CD72: variants seen among roughly 807,000 people sequenced by gnomAD.
CD72 encodes B-cell differentiation antigen CD72.
A neutral mutation model predicts 50.7 loss-of-function variants in CD72; 28 were observed. The observed-to-expected ratio is 0.55, with a 90% CI of 0.41 to 0.76. The LOEUF (loss-of-function observed/expected upper bound fraction) is 0.76. Ranked by LOEUF, CD72 falls within the 30% of genes least tolerant of loss-of-function variation. The probability of loss-of-function intolerance (pLI) is 0.00; values close to 1 mark genes in which losing one functional copy is unlikely to be tolerated. For synonymous variants in CD72, 176 were observed against 171.2 expected, an observed-to-expected ratio of 1.03 and a Z score of -0.22; for missense variants, 403 against 420.6, an observed-to-expected ratio of 0.96 and a Z score of 0.37.
rs545827498 is a variant in CD72 at position 35,628,226 on chromosome 9, C to T, written n.409-10105G>A. The stretch of plus-strand genomic sequence containing the variant: ...CCAGCAATCCTCCTGCCTTGGCCTC[C>T]GAAGTATCTGGGACTACAGGCACGT... On this transcript the variant is annotated intron_variant and non_coding_transcript_variant, in intron 1 of 3. Transcript: ENST00000465754. Among the ~76,000 whole-genome samples, 14 of 152,254 alleles carry T rather than the reference C, an allele frequency of 9.2e-5. No homozygotes were observed. The East Asian group carries it at 2.1e-3, about 23-fold the overall frequency.
At chr9:35,631,325 C>G (rs1823243977) in intron 1 of CD72, among the ~76,000 whole-genome samples, 1 of 151,964 alleles carries the variant, frequency 6.6e-6, no homozygotes, top group Non-Finnish European at 1.5e-5. Flanking sequence ...TCTTGTTTTA[C>G]TGAATTTGGT....
chr9:35,618,416 G>A (rs899345795), upstream of CD72: 33 of 1,554,052 alleles, frequency 2.1e-5, no homozygotes, highest in Admixed American at 2.3e-4. Context: ...GTGACTGCAC[G>A]GCTTAGCAAT....
chr9:35,645,334 TC>T (rs1465366297), intron 1 of CD72, among the ~76,000 whole-genome samples: 1 of 152,190 alleles, frequency 6.6e-6, no homozygotes, highest in Non-Finnish European at 1.5e-5. Context: ...GCGCTGTGGC[TC>T]ACGCCTGTAA....
chr9:35,617,135 G>C, intron 3 of CD72, 41 bp downstream of exon 3: 1 of 1,550,226 alleles, frequency 6.5e-7, no homozygotes, highest in Non-Finnish European at 8.7e-7. Flanking sequence ...GGACAGGCGC[G>C]AGCACTTGGC....
chr9:35,620,826 A>T (rs1823141740), upstream of CD72, among the ~76,000 whole-genome samples: 1 of 152,190 alleles, frequency 6.6e-6, no homozygotes, highest in African/African-American at 2.4e-5. Context: ...AAAATAAAAA[A>T]AAATAAAAAA....
chr9:35,617,302 C>T lies in CD72; in HGVS notation c.191-55G>A, dbSNP rs2095160587. The T allele has an allele frequency of 4.0e-6, 6 of 1,496,556 alleles. No individual in the cohort carries two copies. The Admixed American group carries it at 1.2e-4, about 29-fold the overall frequency. 92.7% of individuals were successfully genotyped at this position (1,496,556 alleles called of 1,614,324 possible). ...GGAAGCCCCGAGTGTTGCCCCTTCTCCTCCTGCGCACCCGCTTCGCCCTCG... is the reference window on the plus strand; with the variant it reads ...GGAAGCCCCGAGTGTTGCCCCTTCTTCTCCTGCGCACCCGCTTCGCCCTCG... On this transcript the variant is annotated intron_variant, in intron 2 of 8. Transcript: ENST00000259633.
intron 2 of CD72, among the ~76,000 whole-genome samples, chr9:35,617,483 T>G (rs772921004): frequency 4.6e-5 from 7 of 152,064 alleles, no homozygotes; most frequent in Non-Finnish European, 7.4e-5. Flanking sequence ...CTCCTAGTTC[T>G]CCCTTTATCG....
At chr9:35,621,615 A>G (rs1369092823), upstream of CD72, among the ~76,000 whole-genome samples, 1 of 152,212 alleles carries the variant, frequency 6.6e-6, no homozygotes, top group Non-Finnish European at 1.5e-5. Context: ...TATGTTAATC[A>G]AGGTCCTTTA....
chr9:35,616,778 G>A (rs1823071229), intron 3 of CD72, 89 bp from the exon 4 acceptor site: 5 of 1,194,454 alleles, frequency 4.2e-6, no homozygotes, highest in Non-Finnish European at 6.1e-6. Flanking sequence ...AGACCCCTGG[G>A]GAAGGCATCC....
chr9:35,617,978 C>T (rs1357074580), intron 2 of CD72, 36 bp downstream of exon 2: 7 of 1,223,906 alleles, frequency 5.7e-6, no homozygotes, highest in Non-Finnish European at 8.5e-6. Flanking sequence ...AAGACACAGC[C>T]CCCCAACAAA....
upstream of CD72, among the ~76,000 whole-genome samples, chr9:35,620,784 A>G (rs1823140872): frequency 6.6e-6 from 1 of 152,156 alleles, no homozygotes; most frequent in South Asian, 2.1e-4. Context: ...GATTGTGCCC[A>G]TCCTGGGCCA....
chr9:35,625,699 TAG>T (rs1823189811), intron 1 of CD72, among the ~76,000 whole-genome samples: 1 of 152,232 alleles, frequency 6.6e-6, no homozygotes, highest in Admixed American at 6.5e-5. Context: ...ACTCTCTTGT[TAG>T]AGGCTAATGC....
chr9:35,625,554 T>C (rs1183253087), intron 1 of CD72, among the ~76,000 whole-genome samples: 2 of 152,256 alleles, frequency 1.3e-5, no homozygotes, highest in African/African-American at 2.4e-5. Flanking sequence ...AGATCATTGA[T>C]GAAGGTGGCT....
At chr9:35,624,195 A>C (rs1440785492), upstream of CD72, among the ~76,000 whole-genome samples, 1 of 149,094 alleles carries the variant, frequency 6.7e-6, no homozygotes, top group Non-Finnish European at 1.5e-5. Context: ...CTGGGCGACA[A>C]AGGGAGACTC....
chr9:35,612,827 TGTGA>T lies in CD72; in HGVS notation c.834+17_834+20del. 1.2e-6 allele frequency: 2 copies of T among 1,608,688 alleles called. No individual in the cohort carries two copies. Among genetic ancestry groups the T allele is most frequent in the Non-Finnish European group, 1.7e-6 (2 of 1,175,118 alleles). On this transcript the variant is annotated intron_variant, in intron 6 of 8. Transcript: ENST00000259633. Reference sequence around the variant, plus strand: ...TTACCTAATAGTACCCACTGCAGTCTGTGAGTAAGGATATGCTTACTGATTGTGG... The same window carrying T: ...TTACCTAATAGTACCCACTGCAGTCTGTAAGGATATGCTTACTGATTGTGG...
At position 35,630,078 on chromosome 9, in the gene CD72, C is replaced by T. The variant is rs1416692656; in HGVS notation, n.409-11957G>A. On this transcript the variant is annotated intron_variant and non_coding_transcript_variant, in intron 1 of 3. Coordinates refer to the CD72 transcript ENST00000465754. ...GGAGATGGGAGTCTTGCCCTGTCGCCGCCCAGGCTGGAGTGCAGCCGCGCG... is the reference window on the plus strand; with the variant it reads ...GGAGATGGGAGTCTTGCCCTGTCGCTGCCCAGGCTGGAGTGCAGCCGCGCG... Among the ~76,000 whole-genome samples, 12 of 147,366 alleles carry T rather than the reference C, an allele frequency of 8.1e-5. No individual in the cohort carries two copies. The South Asian group carries it at 1.7e-3, about 21-fold the overall frequency.
At position 35,618,046 on chromosome 9, in the gene CD72, C is replaced by T; in HGVS notation, c.158G>A (p.Ser53Asn). 6.2e-7 allele frequency: 1 copy of T among 1,613,864 alleles called. No homozygotes were observed. The highest frequency in any genetic ancestry group is 1.1e-5 in the South Asian group (1 of 91,072). The change falls in exon 2 of 9, where the codon AGC (serine) becomes AAC (asparagine). Residue 53 changes from serine (S) to asparagine (N), a missense_variant. By Grantham distance (46) the Ser-to-Asn change is conservative. Coordinates refer to ENST00000259633, the MANE Select transcript of CD72 (RefSeq NM_001782.3). ...GTCCCCTAGTACAGAAGAAGCCAAG[C>T]TTGAGGGCACCCCTAGGACTGCGGG... Reference protein sequence around the residue: ...QVPAVLGVPSSLASSVLGDKA... With the variant: ...QVPAVLGVPSNLASSVLGDKA...
intron 1 of CD72, among the ~76,000 whole-genome samples, chr9:35,635,834 GC>G (rs1480598862): frequency 6.6e-6 from 1 of 152,202 alleles, no homozygotes; most frequent in East Asian, 1.9e-4. Context: ...GCCCAGAGGA[GC>G]CCACTTAAAG....
At chr9:35,634,596 G>A (rs536254728) in intron 1 of CD72, among the ~76,000 whole-genome samples, 8 of 152,244 alleles carry the variant, frequency 5.3e-5, no homozygotes, top group East Asian at 3.9e-4. Context: ...CAGGTGATCC[G>A]CCCACCTCGG....
Sources: allele counts gnomAD v4.1 joint callset (sites outside exome capture counted in the v4.1 genomes callset), GRCh38; gene constraint gnomAD v4.1.1; transcripts MANE v1.5; gene names NCBI Gene and HGNC (gene_info 2026-07-23, HGNC 2026-07-21).